GUCY2D: variants seen among roughly 807,000 people sequenced by gnomAD.
GUCY2D encodes guanylate cyclase 2D, retinal.
A neutral mutation model predicts 101.3 loss-of-function variants in GUCY2D; 70 were observed. The observed-to-expected ratio is 0.69, with a 90% CI of 0.57 to 0.84. GUCY2D has a LOEUF of 0.84. Among genes scored for constraint, GUCY2D ranks in the 40% least tolerant of loss-of-function variants. The pLI, the probability that GUCY2D is intolerant of heterozygous loss-of-function variation, is 0.00. For synonymous variants in GUCY2D, 688 were observed against 670.7 expected (o/e 1.03, Z -0.40); for missense variants, 1,460 against 1,542.5 (o/e 0.95, Z 0.90).
In GUCY2D at chr17:8,006,475, G is replaced by A. The variant is rs760307098; in HGVS notation, c.1139G>A (p.Arg380His). ...GRWVSGAAVA[R>H]HIRDAQVPGF... ...TGGGTGTCCGGAGCAGCTGTGGCCC[G>A]CCACATCCGGGATGCGCAGGTCCCT... The change falls in exon 4 of 20, where the codon CGC becomes CAC. Residue 380 changes from arginine to histidine, a missense_variant. Arg to His is a conservative substitution (Grantham distance 29, BLOSUM62 0). Around this residue, in one of 3 missense-constraint regions of GUCY2D, gnomAD observed 1,196 missense variants for 1,229.6 expected, o/e 0.97. Coordinates refer to ENST00000254854, the MANE Select transcript of GUCY2D (RefSeq NM_000180.4). 10 of 1,606,746 alleles carry A rather than the reference G, an allele frequency of 6.2e-6. No homozygotes were observed. In the East Asian group the frequency reaches 6.7e-5, roughly 11 times the overall value.
intron 8 of GUCY2D, among the ~76,000 whole-genome samples, chr17:8,010,392 C>G (rs1252283880): frequency 6.6e-6 from 1 of 152,168 alleles, no homozygotes; most frequent in African/African-American, 2.4e-5. Flanking sequence ...TGCCATGCAG[C>G]CTGGGCCTGG....
chr17:8,013,356 C>T lies in GUCY2D; in HGVS notation c.2263+104C>T. ...TAAAGCAAAGCCCAGTGATGAAACT[C>T]AATTATACGGAGGCCCCCTTAAAGC... On this transcript the variant is annotated intron_variant, in intron 11 of 19. Coordinates refer to ENST00000254854, the MANE Select transcript of GUCY2D (RefSeq NM_000180.4). This position sits in a 1 kb window ranked among gnomAD's most constrained non-coding sequence, Gnocchi z 5.0. 4 of 1,164,250 alleles carry T rather than the reference C, an allele frequency of 3.4e-6. No homozygotes were observed. The highest frequency in any genetic ancestry group is 3.0e-5 in the African/African-American group (2 of 66,064). The allele number at this position is 1,164,250 out of a possible 1,614,324, so 72.1% of individuals were successfully genotyped here.
At position 8,014,494 on chromosome 17, in the gene GUCY2D, T is replaced by C. The variant is rs541537384; in HGVS notation, c.2413-107T>C. On this transcript the variant is annotated intron_variant, in intron 12 of 19. Coordinates refer to ENST00000254854, the MANE Select transcript of GUCY2D (RefSeq NM_000180.4). The surrounding 1 kb of genome is among the most constrained non-coding windows in gnomAD (Gnocchi z 4.0). Reference sequence around the variant, plus strand: ...TAGTAGATGAATGGTGGCAGCGGGGTTGGGGTTCAGAGTGAACAGCCCCAT... The same window carrying C: ...TAGTAGATGAATGGTGGCAGCGGGGCTGGGGTTCAGAGTGAACAGCCCCAT... The C allele has an allele frequency of 3.9e-6, 4 of 1,024,610 alleles. No homozygotes were observed. In the African/African-American group the frequency reaches 6.3e-5, roughly 16 times the overall value. 63.5% of individuals were successfully genotyped at this position (1,024,610 alleles called of 1,614,324 possible).
chr17:8,015,585 T>C, intron 15 of GUCY2D, 83 bp downstream of exon 15: 1 of 1,343,348 alleles, frequency 7.4e-7, no homozygotes. Context: ...AGGCAACTCA[T>C]GGAGCGGGGA....
chr17:8,003,787 T>C lies in GUCY2D; in HGVS notation c.721+19T>C. 1 of 1,600,844 alleles carries C rather than the reference T, an allele frequency of 6.2e-7. No individual in the cohort carries two copies. The highest frequency in any genetic ancestry group is 8.5e-7 in the Non-Finnish European group (1 of 1,179,092). On this transcript the variant is annotated intron_variant, in intron 2 of 19. Coordinates refer to ENST00000254854, the MANE Select transcript of GUCY2D (RefSeq NM_000180.4). ...GTCACAGGTAGGCTCCCTTGCAGGG[T>C]GCGAGGAGGTCGGCTGGTCCTGCCG...
chr17:8,004,324 C>T (rs545438074), intron 3 of GUCY2D, among the ~76,000 whole-genome samples, 168 bp downstream of exon 3: 1 of 152,146 alleles, frequency 6.6e-6, no homozygotes. Context: ...TCTTAGTGTA[C>T]GAGGATTGCC....
Position 8,002,968 on chromosome 17 carries a change from C to CCCT in GUCY2D, c.-9-71_-9-70insCCT. 1 of 1,202,710 alleles carries CCCT rather than the reference C, an allele frequency of 8.3e-7. No individual in the cohort carries two copies. The highest frequency in any genetic ancestry group is 2.9e-5 in the East Asian group (1 of 34,820). The allele number at this position is 1,202,710 out of a possible 1,614,324, so 74.5% of individuals were successfully genotyped here. The stretch of plus-strand genomic sequence containing the variant: ...TGGGTTACTCGGGCTTGGAGAAACT[C>CCCT]GGGGTTACGGGGAGAACCCTAGGGG... On this transcript the variant is annotated intron_variant, in intron 1 of 19. Transcript: ENST00000254854. The surrounding 1 kb of genome is among the most constrained non-coding windows in gnomAD (Gnocchi z 4.9).
At chr17:8,006,985 T>C (rs1054059651) in intron 4 of GUCY2D, 75 bp from the exon 5 acceptor site, 4 of 1,219,042 alleles carry the variant, frequency 3.3e-6, no homozygotes, top group Non-Finnish European at 4.9e-6. Flanking sequence ...GGGGCCAGCA[T>C]GTGGCATGCC....
Position 8,003,618 on chromosome 17 carries a change from C to T in GUCY2D, c.571C>T (p.Gln191Ter), listed in dbSNP as rs768390959. ...GCGCGTGGCCCTGGTCACCGCCCCCCAGGACCTGTGGGTGGAGGCGGGACG... is the reference window on the plus strand; with the variant it reads ...GCGCGTGGCCCTGGTCACCGCCCCCTAGGACCTGTGGGTGGAGGCGGGACG... Reference protein sequence around the residue: ...WARVALVTAPQDLWVEAGRSL... With the variant: ...WARVALVTAP The change falls in exon 2 of 20, where the codon CAG becomes TAG. Residue 191 changes from glutamine (Q) to a stop codon, truncating the protein, a stop_gained. Coordinates refer to ENST00000254854, the MANE Select transcript of GUCY2D (RefSeq NM_000180.4). LOFTEE classifies it high-confidence loss of function. 2 of 1,592,426 alleles carry T rather than the reference C, an allele frequency of 1.3e-6. No homozygotes were observed. The highest frequency in any genetic ancestry group is 1.1e-5 in the South Asian group (1 of 90,316).
In GUCY2D at chr17:8,014,424, C is replaced by G. The variant is rs752812981; in HGVS notation, c.2413-177C>G. 1.6e-5 allele frequency: 11 copies of G among 688,674 alleles called. No homozygotes were observed. The highest frequency in any genetic ancestry group is 8.1e-5 in the East Asian group (3 of 36,844). 42.7% of individuals were successfully genotyped at this position (688,674 alleles called of 1,614,324 possible). On this transcript the variant is annotated intron_variant, in intron 12 of 19. Transcript: ENST00000254854. The surrounding 1 kb of genome is among the most constrained non-coding windows in gnomAD (Gnocchi z 4.0). The stretch of plus-strand genomic sequence containing the variant: ...CCTCATTTCCCACGTGCCTCCTAAT[C>G]GTGTCTGAAAACACAGTGCCCAGCA...
intron 17 of GUCY2D, 27 bp from the exon 18 acceptor site, chr17:8,016,178 G>A (rs1050561963): frequency 2.0e-6 from 3 of 1,506,630 alleles, no homozygotes; most frequent in South Asian, 2.4e-5. Flanking sequence ...GTCCGCCTAA[G>A]TCCTTCCCTC....
At position 8,012,265 on chromosome 17, in the gene GUCY2D, G is replaced by A. The variant is rs746020263; in HGVS notation, c.1871G>A (p.Arg624Gln). Residue 624 changes from arginine (R) to glutamine (Q), a missense_variant, in exon 9 of 20, where the codon CGG (arginine) becomes CAG (glutamine). Arg to Gln is a conservative substitution (Grantham distance 43, BLOSUM62 1). This residue lies in a region of GUCY2D where 1,196 missense variants were observed against 1,229.6 expected (regional missense o/e 0.97). Coordinates refer to ENST00000254854, the MANE Select transcript of GUCY2D (RefSeq NM_000180.4). ...NLAVVSEHCT[R>Q]GSLQDLLAQR... Reference sequence around the variant, plus strand: ...GCTGTGGTCTCAGAGCACTGCACGCGGGGCTCTCTTCAGGACCTCCTCGCT... The same window carrying A: ...GCTGTGGTCTCAGAGCACTGCACGCAGGGCTCTCTTCAGGACCTCCTCGCT... The A allele has an allele frequency of 1.4e-5, 23 of 1,613,548 alleles. No homozygotes were observed. Among genetic ancestry groups the A allele is most frequent in the East Asian group, 2.2e-5 (1 of 44,874 alleles).
chr17:8,016,446 C>T lies in GUCY2D; in HGVS notation c.3228C>T (p.Ser1076=). 7 of 1,564,886 alleles carry T rather than the reference C, an allele frequency of 4.5e-6. No individual in the cohort carries two copies. Among genetic ancestry groups the T allele is most frequent in the Non-Finnish European group, 6.1e-6 (7 of 1,155,186 alleles). The change falls in exon 19 of 20, where the codon TCC becomes TCT. Residue 1076 remains serine (S), a synonymous_variant. Coordinates refer to ENST00000254854, the MANE Select transcript of GUCY2D (RefSeq NM_000180.4). The part of the protein sequence containing the change: ...IPKPPDLQPG[S]SNHGISLQEI... The stretch of plus-strand genomic sequence containing the variant: ...GGCCACCGCCCCCTCCTTGCAGGTC[C>T]AGCAACCACGGCATCAGCCTGCAGG...
chr17:8,007,197 T>C (rs1975761972), intron 5 of GUCY2D, 53 bp downstream of exon 5: 7 of 1,383,016 alleles, frequency 5.1e-6, no homozygotes, highest in Non-Finnish European at 6.2e-6. Flanking sequence ...GAAATGGAAG[T>C]CTGCAGCAAA....
At chr17:8,019,191 A>T (rs1598153207) in intron 19 of GUCY2D, among the ~76,000 whole-genome samples, 1 of 152,156 alleles carries the variant, frequency 6.6e-6, no homozygotes, top group South Asian at 2.1e-4. Context: ...GACTGTGTGG[A>T]TAGAGCTCTC....
chr17:8,006,395 G>A lies in GUCY2D; in HGVS notation c.1059G>A (p.Ala353=), dbSNP rs372011559. ...CACTCTTTGGCACCATCTATGACGC[G>A]GTCTTCTTGCTGGCAAGGGGCGTGG... is the stretch of plus-strand genomic sequence containing the variant. ...VSPLFGTIYD[A]VFLLARGVAE... is the part of the protein sequence containing the mutation. The change falls in exon 4 of 20, where the codon GCG becomes GCA. Residue 353 remains alanine, a synonymous_variant. Transcript: ENST00000254854. 1.8e-5 allele frequency: 29 copies of A among 1,601,200 alleles called. No individual in the cohort carries two copies. Among genetic ancestry groups the A allele is most frequent in the South Asian group, 5.5e-5 (5 of 91,084 alleles).
rs1975899701 is a variant in GUCY2D at position 8,013,573 on chromosome 17, C to T, written c.2264-307C>T. On this transcript the variant is annotated intron_variant, in intron 11 of 19. Transcript: ENST00000254854. The surrounding 1 kb of genome is among the most constrained non-coding windows in gnomAD (Gnocchi z 5.0). ...GCAGGGGAGGGGGAGTGGGTGCATC[C>T]CTTCTGCACAGGACTCTGAGCAAAC... The T allele has an allele frequency of 1.7e-6, 1 of 575,694 alleles. No homozygotes were observed. Among genetic ancestry groups the T allele is most frequent in the South Asian group, 2.0e-5 (1 of 48,960 alleles). 35.7% of individuals were successfully genotyped at this position (575,694 alleles called of 1,614,324 possible).
chr17:8,019,379 G>T (rs1976032380), intron 19 of GUCY2D, among the ~76,000 whole-genome samples: 1 of 152,230 alleles, frequency 6.6e-6, no homozygotes, highest in South Asian at 2.1e-4. Flanking sequence ...GGCTCCTCCC[G>T]GAAGCAGAGG....
At chr17:8,007,237 AG>A in intron 5 of GUCY2D, 93 bp downstream of exon 5, 1 of 1,059,154 alleles carries the variant, frequency 9.4e-7, no homozygotes, top group Non-Finnish European at 1.5e-6. Flanking sequence ...TCAGGAGTAG[AG>A]GAGGAGATTT....
Sources: allele counts gnomAD v4.1 joint callset (sites outside exome capture counted in the v4.1 genomes callset), GRCh38; gene constraint gnomAD v4.1.1; regional missense constraint gnomAD v4.1.1; non-coding constraint Gnocchi (gnomAD v3.1); transcripts MANE v1.5; gene names NCBI Gene and HGNC (gene_info 2026-07-23, HGNC 2026-07-21).